The following UGT1A8 variants were observed in gnomAD, a reference collection of about 807,000 sequenced individuals.
The protein encoded by UGT1A8 is UDP-glucuronosyltransferase 1A8.
A neutral mutation model predicts 45.3 loss-of-function variants in UGT1A8; 39 were observed. That is an observed-to-expected ratio of 0.86 (90% CI 0.67 to 1.12). The LOEUF is 1.12. Ranked by LOEUF, UGT1A8 falls within the 50% of genes most tolerant of loss-of-function variation. The pLI, the probability that UGT1A8 is intolerant of heterozygous loss-of-function variation, is 0.00. For synonymous variants in UGT1A8, 275 were observed against 249.2 expected (o/e 1.10, Z -0.97); for missense variants, 719 against 664.9 (o/e 1.08, Z -0.90).
intron 2 of UGT1A8, 45 bp from the exon 3 acceptor site, chr2:233,767,804 A>T: frequency 6.2e-7 from 1 of 1,614,124 alleles, no homozygotes; most frequent in Non-Finnish European, 8.5e-7. Flanking sequence ...TTTTCTAATC[A>T]TATTATGTTC....
chr2:233,645,411 G>A (rs1407159393), intron 1 of UGT1A8, among the ~76,000 whole-genome samples: 5 of 152,052 alleles, frequency 3.3e-5, no homozygotes, highest in East Asian at 1.9e-4. Flanking sequence ...CAACAGTCCC[G>A]CAAAGTCTCA....
At chr2:233,729,643 T>C (rs1469650608) in intron 1 of UGT1A8, 1 of 1,613,972 alleles carries the variant, frequency 6.2e-7, no homozygotes, top group East Asian at 2.2e-5. Context: ...TGTGTTTTTT[T>C]TGAGGAACAT....
intron 1 of UGT1A8, among the ~76,000 whole-genome samples, chr2:233,701,820 G>C (rs1478449755): frequency 2.6e-5 from 4 of 152,146 alleles, no homozygotes; most frequent in African/African-American, 4.8e-5. Context: ...CAACATACCA[G>C]AATCTCTGGG....
At chr2:233,670,229 C>G (rs910046225) in intron 1 of UGT1A8, among the ~76,000 whole-genome samples, 1 of 152,098 alleles carries the variant, frequency 6.6e-6, no homozygotes, top group Admixed American at 6.5e-5. Flanking sequence ...CTTGATTGTC[C>G]TCCATTGAGT....
chr2:233,672,278 A>G, intron 1 of UGT1A8: 2 of 1,613,744 alleles, frequency 1.2e-6, no homozygotes, highest in Non-Finnish European at 8.5e-7. Flanking sequence ...TCATACAATG[A>G]CATTTTTGAC....
chr2:233,631,682 G>GT (rs999326392), intron 1 of UGT1A8, among the ~76,000 whole-genome samples: 50 of 150,590 alleles, frequency 3.3e-4, no homozygotes, highest in Admixed American at 6.6e-4. Context: ...TTTTGATGGG[G>GT]TTTTTTTTTC....
At chr2:233,760,585 T>A (rs2125986328) in intron 1 of UGT1A8, 2 of 1,614,208 alleles carry the variant, frequency 1.2e-6, no homozygotes, top group Non-Finnish European at 8.5e-7. Flanking sequence ...GCATAATGTT[T>A]TTGAGAATGA....
At chr2:233,750,521 T>C (rs528794181) in intron 1 of UGT1A8, 1 of 151,984 alleles carries the variant, frequency 6.6e-6, no homozygotes, top group East Asian at 1.9e-4. Context: ...GCCAAGACAA[T>C]GGGGAAAATG....
intron 1 of UGT1A8, among the ~76,000 whole-genome samples, chr2:233,628,284 A>T (rs1278426520): frequency 6.6e-6 from 1 of 152,144 alleles, no homozygotes. Flanking sequence ...AGCTTTAAAA[A>T]TTTTTAGATA....
At chr2:233,677,198 G>A (rs763464312) in intron 1 of UGT1A8, among the ~76,000 whole-genome samples, 14 of 152,164 alleles carry the variant, frequency 9.2e-5, no homozygotes, top group South Asian at 2.1e-4. Flanking sequence ...ATTTAGGTCC[G>A]TCATCAGTGC....
intron 1 of UGT1A8, chr2:233,647,829 C>T (rs1161138855): frequency 1.2e-5 from 12 of 1,001,956 alleles, no homozygotes; most frequent in South Asian, 9.2e-5. Flanking sequence ...GCCCCAAAAG[C>T]TAGCTTTGGT....
At chr2:233,670,838 G>A (rs2074170657) in intron 1 of UGT1A8, among the ~76,000 whole-genome samples, 1 of 152,112 alleles carries the variant, frequency 6.6e-6, no homozygotes, top group Admixed American at 6.6e-5. Flanking sequence ...GTCTCTTACT[G>A]GCAAGATATT....
rs1491042837 is a variant in UGT1A8 at position 233,757,562 on chromosome 2, G to GTATATATATATATATATATA, written c.856-9465_856-9464insATATATATATATATATATAT. On this transcript the variant is annotated intron_variant, in intron 1 of 4. Coordinates refer to ENST00000373450, the MANE Select transcript of UGT1A8 (RefSeq NM_019076.5). ...TATATATATATATATATATATATAT[G>GTATATATATATATATATATA]TATATATGATATAGCTATAGTCTAA... 3.3e-5 allele frequency among the ~76,000 whole-genome samples: 3 copies of GTATATATATATATATATATA among 90,870 alleles called. 1 individual carries two copies. The highest frequency in any genetic ancestry group is 1.5e-4 in the African/African-American group (3 of 19,494). The allele number at this position is 90,870 out of a possible 152,430, so 59.6% of individuals were successfully genotyped here. A position where few individuals can be genotyped will look rare whatever the true frequency, so the allele number is the denominator to read the frequency against.
rs749150526 is a variant in UGT1A8, at chr2:233,618,271, C to A, written c.564C>A (p.Ser188=). The A allele has an allele frequency of 7.4e-6, 12 of 1,613,794 alleles. No individual in the cohort carries two copies. Among genetic ancestry groups the A allele is most frequent in the Non-Finnish European group, 1.0e-5 (12 of 1,179,858 alleles). ...GTGCACAGTGCCCTGCTCCTCTTTCCTATGTCCCCAGAATTCTCTTAGGGT... is the reference window on the plus strand; with the variant it reads ...GTGCACAGTGCCCTGCTCCTCTTTCATATGTCCCCAGAATTCTCTTAGGGT... ...EEGAQCPAPL[S]YVPRILLGFS... The change falls in exon 1 of 5, where the codon TCC becomes TCA. Residue 188 remains serine (S), a synonymous_variant. Coordinates refer to ENST00000373450, the MANE Select transcript of UGT1A8 (RefSeq NM_019076.5).
At chr2:233,673,058 C>T (rs555735787) in intron 1 of UGT1A8, among the ~76,000 whole-genome samples, 96 of 152,270 alleles carry the variant, frequency 6.3e-4, no homozygotes, top group African/African-American at 2.2e-3. Flanking sequence ...GTACCAAAAA[C>T]CACAGTAAGA....
intron 1 of UGT1A8, chr2:233,730,082 T>C (rs1479796808): frequency 2.1e-5 from 33 of 1,603,816 alleles, no homozygotes; most frequent in Non-Finnish European, 2.4e-5. Flanking sequence ...CCATATTTAC[T>C]TATCTTTCCA....
intron 1 of UGT1A8, among the ~76,000 whole-genome samples, chr2:233,627,609 C>G (rs1338050307): frequency 1.3e-5 from 2 of 150,294 alleles, no homozygotes. Flanking sequence ...ATGAATCTCC[C>G]TTCCTTCCTT....
chr2:233,720,021 T>A (rs1332952782), intron 1 of UGT1A8, among the ~76,000 whole-genome samples: 2 of 151,934 alleles, frequency 1.3e-5, no homozygotes, highest in African/African-American at 4.8e-5. Context: ...CATCCTGGGG[T>A]TTTTGCTTGC....
At chr2:233,724,136 CG>C in intron 1 of UGT1A8, among the ~76,000 whole-genome samples, 1 of 111,742 alleles carries the variant, frequency 8.9e-6, no homozygotes, top group African/African-American at 4.3e-5. Flanking sequence ...ACCTCCCGGA[CG>C]GGGCGGCTGG....
Sources: allele counts gnomAD v4.1 joint callset (sites outside exome capture counted in the v4.1 genomes callset), GRCh38; gene constraint gnomAD v4.1.1; transcripts MANE v1.5; gene names NCBI Gene and HGNC (gene_info 2026-07-23, HGNC 2026-07-21).